The following FANK1 variants were observed in gnomAD, a reference collection of about 807,000 sequenced individuals.
The protein encoded by FANK1 is fibronectin type 3 and ankyrin repeat domains protein 1.
Under a neutral mutation model 45.3 loss-of-function variants are expected in FANK1, and 44 were observed. The ratio of observed to expected loss-of-function variants is 0.97; its 90% CI spans 0.76 to 1.25. The LOEUF (loss-of-function observed/expected upper bound fraction) is 1.25. Ranked by LOEUF, FANK1 falls within the 50% of genes most tolerant of loss-of-function variation. FANK1 has a pLI of 0.00. For missense variants in FANK1, 391 were observed against 424.4 expected (o/e 0.92, Z 0.69); for synonymous variants, 149 against 152.5 (o/e 0.98, Z 0.17).
intron 1 of FANK1, among the ~76,000 whole-genome samples, chr10:125,940,700 C>G (rs533893400): frequency 6.6e-6 from 1 of 152,098 alleles, no homozygotes; most frequent in Non-Finnish European, 1.5e-5. Context: ...TCCCTTCGCA[C>G]GAGGCCATAT....
intron 1 of FANK1, among the ~76,000 whole-genome samples, chr10:125,978,495 A>G (rs1344871885): frequency 2.7e-5 from 4 of 150,922 alleles, no homozygotes; most frequent in Middle Eastern, 3.3e-3. Context: ...TTCAATGTCC[A>G]TCTGTCAGAT....
At chr10:125,930,458 T>G (rs1427309843) in intron 1 of FANK1, among the ~76,000 whole-genome samples, 1 of 151,174 alleles carries the variant, frequency 6.6e-6, no homozygotes, top group Non-Finnish European at 1.5e-5. Flanking sequence ...CACCTCAGCC[T>G]CCTGAGCAGC....
At chr10:125,927,913 G>T (rs1234670718) in intron 1 of FANK1, among the ~76,000 whole-genome samples, 1 of 152,168 alleles carries the variant, frequency 6.6e-6, no homozygotes, top group Non-Finnish European at 1.5e-5. Context: ...ATCTGGGAGT[G>T]CAAGTGCTTT....
intron 1 of FANK1, among the ~76,000 whole-genome samples, chr10:125,932,986 G>C (rs925413115): frequency 1.3e-5 from 2 of 151,976 alleles, no homozygotes; most frequent in African/African-American, 4.8e-5. Context: ...AATTTTGTTT[G>C]TGTGGTGTAC....
At chr10:126,008,577 G>C in intron 8 of FANK1, 27 bp downstream of exon 8, 1 of 1,588,862 alleles carries the variant, frequency 6.3e-7, no homozygotes, top group Non-Finnish European at 8.5e-7. Flanking sequence ...AAAATAGGCA[G>C]TTTTCTACGT....
At chr10:125,984,920 A>G (rs950385414) in intron 2 of FANK1, among the ~76,000 whole-genome samples, 1 of 152,194 alleles carries the variant, frequency 6.6e-6, no homozygotes, top group Admixed American at 6.5e-5. Flanking sequence ...CATGGGTTCA[A>G]TGAACTGCTC....
At chr10:125,897,129 C>T (rs1944605293) in intron 1 of FANK1, among the ~76,000 whole-genome samples, 1 of 149,132 alleles carries the variant, frequency 6.7e-6, no homozygotes, top group African/African-American at 2.4e-5. Context: ...CCCCCCGCCC[C>T]ACACCCCTAG....
chr10:125,946,545 G>A (rs1265895630), intron 1 of FANK1, among the ~76,000 whole-genome samples: 1 of 151,750 alleles, frequency 6.6e-6, no homozygotes, highest in Non-Finnish European at 1.5e-5. Flanking sequence ...AAGTGAGAAG[G>A]GAAGTTTAGA....
At chr10:125,953,755 C>A (rs944407752) in intron 1 of FANK1, among the ~76,000 whole-genome samples, 2 of 152,150 alleles carry the variant, frequency 1.3e-5, no homozygotes, top group Non-Finnish European at 2.9e-5. Context: ...TGAAGTCAGA[C>A]AGAGTTGGGT....
intron 6 of FANK1, among the ~76,000 whole-genome samples, chr10:126,001,303 G>A (rs1041791863): frequency 1.3e-5 from 2 of 152,184 alleles, no homozygotes; most frequent in African/African-American, 4.8e-5. Flanking sequence ...GGAATATTTA[G>A]TATGCCAATG....
intron 1 of FANK1, among the ~76,000 whole-genome samples, chr10:125,918,890 T>A (rs1434640575): frequency 1.3e-5 from 2 of 151,890 alleles, no homozygotes; most frequent in Admixed American, 6.6e-5. Flanking sequence ...TAATTGAAGA[T>A]GTAATCAAGA....
chr10:126,002,316 AAAAC>A (rs1340728360), intron 6 of FANK1, among the ~76,000 whole-genome samples: 5 of 152,032 alleles, frequency 3.3e-5, no homozygotes, highest in African/African-American at 7.2e-5. Flanking sequence ...TGTCTCAAAA[AAAAC>A]AAACAAAAAG....
chr10:125,930,751 CA>C (rs1947699973), intron 1 of FANK1, among the ~76,000 whole-genome samples: 1 of 152,096 alleles, frequency 6.6e-6, no homozygotes, highest in South Asian at 2.1e-4. Context: ...TATTAGGGGA[CA>C]GGTGGTATTT....
At chr10:125,940,403 C>T (rs1015990834) in intron 1 of FANK1, among the ~76,000 whole-genome samples, 1 of 152,148 alleles carries the variant, frequency 6.6e-6, no homozygotes, top group African/African-American at 2.4e-5. Context: ...TGGATGTGCA[C>T]GTAGGCCAGA....
rs78786953 is a variant in FANK1, at chr10:125,915,108, G to C, written c.13+18453G>C. Among the ~76,000 whole-genome samples, 35 of 152,238 alleles carry C rather than the reference G, an allele frequency of 2.3e-4. 1 individual carries two copies. In the East Asian group the frequency reaches 6.8e-3, roughly 29 times the overall value. On this transcript the variant is annotated intron_variant, in intron 1 of 10. Coordinates refer to ENST00000368693, the MANE Select transcript of FANK1 (RefSeq NM_145235.5). ...TACAACTCCACACTCCTGAGTCGGG[G>C]CCCAGTGTTGTGCATTTCTGTCAAA...
chr10:126,008,990 C>T, intron 8 of FANK1, 64 bp from the exon 9 acceptor site: 1 of 1,503,452 alleles, frequency 6.7e-7, no homozygotes, highest in Non-Finnish European at 9.2e-7. Context: ...CAGGCTCATG[C>T]CCCCTGCTGT....
intron 6 of FANK1, among the ~76,000 whole-genome samples, chr10:125,999,968 C>T (rs763169963): frequency 3.3e-5 from 5 of 152,026 alleles, no homozygotes; most frequent in Non-Finnish European, 7.3e-5. Flanking sequence ...TAAGGAGGCT[C>T]AGTAAAGTGG....
At chr10:125,939,658 G>T (rs1002997063) in intron 1 of FANK1, among the ~76,000 whole-genome samples, 1 of 152,008 alleles carries the variant, frequency 6.6e-6, no homozygotes, top group Admixed American at 6.6e-5. Context: ...TTACCATTTT[G>T]TCATCTATGG....
At chr10:125,904,983 T>G (rs1209531957) in intron 1 of FANK1, among the ~76,000 whole-genome samples, 1 of 150,862 alleles carries the variant, frequency 6.6e-6, no homozygotes, top group East Asian at 2.0e-4. Flanking sequence ...AAAAAAAAAT[T>G]AGCCGGGTGT....
Sources: allele counts gnomAD v4.1 joint callset (sites outside exome capture counted in the v4.1 genomes callset), GRCh38; gene constraint gnomAD v4.1.1; transcripts MANE v1.5; gene names NCBI Gene and HGNC (gene_info 2026-07-23, HGNC 2026-07-21).